MMP17: variants seen among roughly 807,000 people sequenced by gnomAD.
MMP17 encodes matrix metalloproteinase-17.
MMP17 carries 54 observed loss-of-function variants against 49.1 expected under a neutral mutation model. The observed-to-expected ratio is 1.10, with a 90% CI of 0.88 to 1.38. MMP17 has a LOEUF of 1.38. MMP17 is among the 40% of genes most tolerant of loss of function. The pLI is 0.00. For synonymous variants in MMP17, 397 were observed against 383.1 expected (o/e 1.04, Z -0.42); for missense variants, 837 against 853.7 (o/e 0.98, Z 0.24).
Position 131,851,621 on chromosome 12 carries a change from A to C in MMP17, c.*347A>C. The C allele has an allele frequency of 1.2e-5, 3 of 255,312 alleles. No individual in the cohort carries two copies. Among genetic ancestry groups the C allele is most frequent in the Non-Finnish European group, 2.2e-5 (3 of 133,700 alleles). The allele number at this position is 255,312 out of a possible 1,614,324, so 15.8% of individuals were successfully genotyped here. A position where few individuals can be genotyped will look rare whatever the true frequency, so the allele number is the denominator to read the frequency against. On this transcript the variant is annotated 3_prime_UTR_variant, in exon 10 of 10. Coordinates refer to ENST00000360564, the MANE Select transcript of MMP17 (RefSeq NM_016155.7). Reference sequence around the variant, plus strand: ...TGTGCCGGCGCCACCAACCCCACCCACACTGCTGCCTGGTGCTCCCGCCGG... The same window carrying C: ...TGTGCCGGCGCCACCAACCCCACCCCCACTGCTGCCTGGTGCTCCCGCCGG...
At position 131,840,744 on chromosome 12, in the gene MMP17, C is replaced by T. The variant is rs766543538; in HGVS notation, c.594C>T (p.Tyr198=). The part of the protein sequence containing the change: ...DFSKADHNDG[Y]PFDGPGGTVA... ...CCAAGGCCGACCATAACGACGGCTACCCCTTCGACGGCCCCGGCGGCACCG... is the reference window on the plus strand; with the variant it reads ...CCAAGGCCGACCATAACGACGGCTATCCCTTCGACGGCCCCGGCGGCACCG... Residue 198 remains tyrosine (Y), a synonymous_variant, in exon 4 of 10, where the codon TAC becomes TAT. Coordinates refer to ENST00000360564, the MANE Select transcript of MMP17 (RefSeq NM_016155.7). 3 of 1,604,424 alleles carry T rather than the reference C, an allele frequency of 1.9e-6. No homozygotes were observed. Among genetic ancestry groups the T allele is most frequent in the Non-Finnish European group, 2.5e-6 (3 of 1,179,908 alleles).
At position 131,851,083 on chromosome 12, in the gene MMP17, G is replaced by A. The variant is rs1887948548; in HGVS notation, c.1621G>A (p.Gly541Arg). Reference protein sequence around the residue: ...SVAAGVDAAEGPRAPPGQHDQ... With the variant: ...SVAAGVDAAERPRAPPGQHDQ... Reference sequence around the variant, plus strand: ...GGCTGCGGGCGTGGACGCGGCAGAGGGGCCCCGCGCCCCTCCAGGACAACA... The same window carrying A: ...GGCTGCGGGCGTGGACGCGGCAGAGAGGCCCCGCGCCCCTCCAGGACAACA... The change falls in exon 10 of 10, where the codon GGG becomes AGG. Residue 541 changes from glycine to arginine, a missense_variant. Coordinates refer to ENST00000360564, the MANE Select transcript of MMP17 (RefSeq NM_016155.7). The A allele has an allele frequency of 1.2e-6, 2 of 1,605,094 alleles. No homozygotes were observed. Among genetic ancestry groups the A allele is most frequent in the Non-Finnish European group, 1.7e-6 (2 of 1,176,408 alleles).
intron 6 of MMP17, chr12:131,844,293 G>C: frequency 1.8e-6 from 1 of 558,060 alleles, no homozygotes; most frequent in Non-Finnish European, 3.1e-6. Context: ...GAGAACTTCA[G>C]ACAAGGTTTC....
At chr12:131,837,321 T>C (rs1445612222) in intron 1 of MMP17, among the ~76,000 whole-genome samples, 1 of 152,214 alleles carries the variant, frequency 6.6e-6, no homozygotes, top group East Asian at 1.9e-4. Flanking sequence ...AGACAGGGTC[T>C]CGCTCTGTTG....
In MMP17 at chr12:131,838,258, CAAGAGGAGCTGTCT is replaced by C; in HGVS notation, c.227_240del (p.Glu76GlyfsTer115). Reference sequence around the variant, plus strand: ...CCCCACAACAGGGCAGCTGCAGACGCAAGAGGAGCTGTCTAAGGCCATCACAGCCATGCAGCAGT... The same window carrying C: ...CCCCACAACAGGGCAGCTGCAGACGCAAGGCCATCACAGCCATGCAGCAGT... On this transcript the variant is annotated frameshift_variant, in exon 2 of 10. Transcript: ENST00000360564. The C allele has an allele frequency of 6.2e-7, 1 of 1,613,298 alleles. No homozygotes were observed. Among genetic ancestry groups the C allele is most frequent in the Non-Finnish European group, 8.5e-7 (1 of 1,179,990 alleles).
At chr12:131,837,156 C>G (rs1887124544) in intron 1 of MMP17, among the ~76,000 whole-genome samples, 1 of 152,246 alleles carries the variant, frequency 6.6e-6, no homozygotes, top group Admixed American at 6.5e-5. Flanking sequence ...TGAACATTTT[C>G]CACGTCCTGG....
intron 8 of MMP17, among the ~76,000 whole-genome samples, chr12:131,849,047 C>T (rs917766752): frequency 6.6e-6 from 1 of 152,180 alleles, no homozygotes; most frequent in Admixed American, 6.5e-5. Context: ...CCGGCTCTGC[C>T]GTCCCCATAT....
At chr12:131,847,223 T>C (rs576797275) in intron 8 of MMP17, among the ~76,000 whole-genome samples, 3 of 152,080 alleles carry the variant, frequency 2.0e-5, no homozygotes, top group East Asian at 3.9e-4. Context: ...CCATCCTGGT[T>C]AACACGGTGA....
At position 131,851,143 on chromosome 12, in the gene MMP17, T is replaced by A. The variant is rs1286955871; in HGVS notation, c.1681T>A (p.Cys561Ser). 1.3e-6 allele frequency: 2 copies of A among 1,568,900 alleles called. No individual in the cohort carries two copies. The highest frequency in any genetic ancestry group is 1.2e-5 in the South Asian group (1 of 85,522). The change falls in exon 10 of 10, where the codon TGC (cysteine) becomes AGC (serine). Residue 561 changes from cysteine (C) to serine (S), a missense_variant. Physicochemically the swap from Cys to Ser is moderately radical, Grantham distance 112. Transcript: ENST00000360564. ...CCGCTCGGAGGACGGTTACGAGGTC[T>A]GCTCATGCACCTCTGGGGCATCCTC... The part of the protein sequence containing the change: ...QSRSEDGYEV[C>S]SCTSGASSPP...
chr12:131,846,178 C>T lies in MMP17; in HGVS notation c.1204+729C>T, dbSNP rs566962309. Reference sequence around the variant, plus strand: ...CCTCACAGTCTGGAGGCCACGAGTCCGAAATCAAGGGCTAGGCAGGGTGGG... The same window carrying T: ...CCTCACAGTCTGGAGGCCACGAGTCTGAAATCAAGGGCTAGGCAGGGTGGG... On this transcript the variant is annotated intron_variant, in intron 8 of 9. Coordinates refer to ENST00000360564, the MANE Select transcript of MMP17 (RefSeq NM_016155.7). The surrounding 1 kb of genome is among the most constrained non-coding windows in gnomAD (Gnocchi z 4.6). 6.6e-6 allele frequency among the ~76,000 whole-genome samples: 1 copy of T among 152,194 alleles called. No homozygotes were observed. Among genetic ancestry groups the T allele is most frequent in the African/African-American group, 2.4e-5 (1 of 41,542 alleles).
chr12:131,838,553 G>T, intron 2 of MMP17, 59 bp from the exon 3 acceptor site: 1 of 1,552,238 alleles, frequency 6.4e-7, no homozygotes, highest in Non-Finnish European at 8.7e-7. Flanking sequence ...GCGGATGCTC[G>T]GGATCCTAGG....
chr12:131,835,299 G>T (rs536431795), intron 1 of MMP17, among the ~76,000 whole-genome samples: 1 of 152,242 alleles, frequency 6.6e-6, no homozygotes, highest in Non-Finnish European at 1.5e-5. Context: ...TATCATGGGC[G>T]GGGCTGCCTG....
At chr12:131,845,660 G>T (rs1260149417) in intron 8 of MMP17, among the ~76,000 whole-genome samples, 1 of 152,218 alleles carries the variant, frequency 6.6e-6, no homozygotes, top group African/African-American at 2.4e-5. Flanking sequence ...GCACACAGAG[G>T]GCAAAACGAT....
At chr12:131,837,123 G>A (rs1887123455) in intron 1 of MMP17, among the ~76,000 whole-genome samples, 2 of 152,324 alleles carry the variant, frequency 1.3e-5, no homozygotes, top group Non-Finnish European at 2.9e-5. Flanking sequence ...GAGCAGAGCT[G>A]TCCCCTGCGC....
chr12:131,850,853 C>G (rs1242004775), intron 9 of MMP17, 72 bp from the exon 10 acceptor site: 1 of 1,231,278 alleles, frequency 8.1e-7, no homozygotes, highest in Non-Finnish European at 1.1e-6. Flanking sequence ...CCAACGCTCC[C>G]TCCTCGCTGT....
In MMP17 at chr12:131,851,232, AC is replaced by A. The variant is rs1369142670; in HGVS notation, c.1772del (p.Pro591GlnfsTer11). ...TGCTGCTGCTGCTGCCGCCACTGTC[AC>A]CAGGCGCCCTGTGGACAGCGGCCCA... is the stretch of plus-strand genomic sequence containing the variant. Reference protein sequence around the residue: ...TMLLLLPPLSPGALWTAAQAL... With the variant: ...TMLLLLPPLSXGALWTAAQAL... On this transcript the variant is annotated frameshift_variant, in exon 10 of 10. Transcript: ENST00000360564. LOFTEE classifies it low-confidence loss of function (END_TRUNC). 5 of 1,451,642 alleles carry A rather than the reference AC, an allele frequency of 3.4e-6. No homozygotes were observed. In the South Asian group the frequency reaches 5.8e-5, roughly 17 times the overall value. The allele number at this position is 1,451,642 out of a possible 1,614,324, so 89.9% of individuals were successfully genotyped here.
chr12:131,838,395 C>T (rs928769417), intron 2 of MMP17, 68 bp downstream of exon 2: 3 of 1,574,454 alleles, frequency 1.9e-6, no homozygotes, highest in Non-Finnish European at 2.6e-6. Context: ...GGCCATGCCC[C>T]CTCTGATCAG....
At chr12:131,843,945 G>C in intron 5 of MMP17, 52 bp from the exon 6 acceptor site, 4 of 1,339,630 alleles carry the variant, frequency 3.0e-6, no homozygotes, top group East Asian at 5.2e-5. Flanking sequence ...TGGGATGTGG[G>C]GGGAGGCGGG....
In MMP17 at chr12:131,838,481, A is replaced by G. The variant is rs1041747671; in HGVS notation, c.293-131A>G. 3.1e-5 allele frequency: 45 copies of G among 1,452,210 alleles called. No individual in the cohort carries two copies. The African/African-American group carries it at 3.1e-4, about 10-fold the overall frequency. The allele number at this position is 1,452,210 out of a possible 1,614,324, so 90.0% of individuals were successfully genotyped here. A position where few individuals can be genotyped will look rare whatever the true frequency, so the allele number is the denominator to read the frequency against. On this transcript the variant is annotated intron_variant, in intron 2 of 9. Transcript: ENST00000360564. ...CTCAGAGCCTGGGGCTGGTCCCCCA[A>G]AGATGACGTGGGAGGAGGGGGCGGC... is the stretch of plus-strand genomic sequence containing the variant.
Sources: gnomAD v4.1 joint callset for allele counts (sites outside exome capture counted in the v4.1 genomes callset) on GRCh38, gnomAD v4.1.1 for gene constraint, Gnocchi (gnomAD v3.1) non-coding constraint, MANE v1.5 for transcripts, NCBI Gene and HGNC (gene_info 2026-07-23, HGNC 2026-07-21) for gene names.